The following COL3A1 variants were observed in gnomAD, a reference collection of about 807,000 sequenced individuals.
The protein encoded by COL3A1 is collagen type III alpha 1 chain.
COL3A1 carries 46 observed loss-of-function variants against 200.9 expected under a neutral mutation model. The observed-to-expected ratio is 0.23, with a 90% confidence interval of 0.18 to 0.29. The LOEUF is 0.29. Among genes scored for constraint, COL3A1 ranks in the 10% least tolerant of loss-of-function variants. COL3A1 has a pLI of 1.00. For missense variants in COL3A1, 1,367 were observed against 1,917.6 expected (o/e 0.71, Z 5.36); for synonymous variants, 650 against 628.0 (o/e 1.03, Z -0.52).
intron 32 of COL3A1, among the ~76,000 whole-genome samples, chr2:189,000,253 A>G (rs947023783): frequency 2.6e-5 from 4 of 152,358 alleles, no homozygotes; most frequent in Admixed American, 2.6e-4. Context: ...TAATAGACTT[A>G]ATATTTAAAA....
At position 188,998,579 on chromosome 2, in the gene COL3A1, T is replaced by A; in HGVS notation, c.1978-95T>A. 3.1e-6 allele frequency: 4 copies of A among 1,297,368 alleles called. No individual in the cohort carries two copies. In the East Asian group the frequency reaches 9.9e-5, roughly 32 times the overall value. 80.4% of individuals were successfully genotyped at this position (1,297,368 alleles called of 1,614,324 possible). On this transcript the variant is annotated intron_variant, in intron 28 of 50. Transcript: ENST00000304636. ...CCAACATGACAAATGTGTATTTTGC[T>A]TATATTTACATATTTGCTTATATTT...
chr2:188,996,383 A>AT lies in COL3A1; in HGVS notation c.1663-9dup. 1.2e-6 allele frequency: 2 copies of AT among 1,604,172 alleles called. No individual in the cohort carries two copies. Among genetic ancestry groups the AT allele is most frequent in the African/African-American group, 1.3e-5 (1 of 74,268 alleles). ...TCTTTATCAAACCTTTATTAATGTA[A>AT]TTTTTTCTTATTAGGGAAGTCAAGG... On this transcript the variant is annotated splice_polypyrimidine_tract_variant and intron_variant, in intron 23 of 50. Coordinates refer to ENST00000304636, the MANE Select transcript of COL3A1 (RefSeq NM_000090.4).
In COL3A1 at chr2:188,996,288, ATGTATATC is replaced by A. The variant is rs1323462348; in HGVS notation, c.1663-108_1663-101del. ...TGTGTGTGTATATATATATATGTAT[ATGTATATC>A]TATATATATACACACACACACACAC... On this transcript the variant is annotated intron_variant, in intron 23 of 50. Transcript: ENST00000304636. 965 of 764,204 alleles carry A rather than the reference ATGTATATC, an allele frequency of 1.3e-3. 4 individuals carry two copies. The African/African-American group carries it at 0.026, about 21-fold the overall frequency. The allele number at this position is 764,204 out of a possible 1,614,324, so 47.3% of individuals were successfully genotyped here. A position where few individuals can be genotyped will look rare whatever the true frequency, so the allele number is the denominator to read the frequency against.
rs1443252912 is a variant in COL3A1 at position 189,006,392 on chromosome 2, T to A, written c.3141T>A (p.Gly1047=). ...CTCCTGGTGCCCCTGGCGCTCCTGG[T>A]CATCCAGGCCCACCTGGTCCTGTCG... is the stretch of plus-strand genomic sequence containing the variant. ...NGSPGAPGAP[G]HPGPPGPVGP... Residue 1047 remains glycine (G), a synonymous_variant, in exon 43 of 51, where the codon GGT becomes GGA. Coordinates refer to ENST00000304636, the MANE Select transcript of COL3A1 (RefSeq NM_000090.4). 1.2e-6 allele frequency: 2 copies of A among 1,614,148 alleles called. No homozygotes were observed. The highest frequency in any genetic ancestry group is 3.3e-5 in the Admixed American group (2 of 60,018).
intron 23 of COL3A1, 107 bp downstream of exon 23, chr2:188,996,285 T>C (rs1688311800): frequency 3.8e-6 from 3 of 799,542 alleles, no homozygotes; most frequent in African/African-American, 3.3e-5. Context: ...TATATATATG[T>C]ATATGTATAT....
intron 11 of COL3A1, 108 bp from the exon 12 acceptor site, chr2:188,991,379 A>T (rs570188229): frequency 9.8e-6 from 7 of 712,676 alleles, no homozygotes; most frequent in Non-Finnish European, 1.6e-5. Context: ...GTTAAAATGT[A>T]TATCTTTTTC....
At chr2:189,000,427 T>C (rs955877903) in intron 32 of COL3A1, among the ~76,000 whole-genome samples, 9 of 152,160 alleles carry the variant, frequency 5.9e-5, no homozygotes, top group African/African-American at 2.2e-4. Flanking sequence ...AACTTCCTTG[T>C]AGAGATGTAG....
chr2:188,984,764 T>C lies in COL3A1; in HGVS notation c.84T>C (p.Val28=), dbSNP rs752574994. 33 of 1,612,814 alleles carry C rather than the reference T, an allele frequency of 2.0e-5. No homozygotes were observed. In the East Asian group the frequency reaches 7.4e-4, roughly 36 times the overall value. The change falls in exon 2 of 51, where the codon GTT becomes GTC. Residue 28 remains valine, a synonymous_variant. Transcript: ENST00000304636. ...GTCATCTAACTTGTTTTTCAGCTGT[T>C]GAAGGAGGATGTTCCCATCTTGGTC... The part of the protein sequence containing the change: ...PTIILAQQEA[V]EGGCSHLGQS...
At chr2:188,988,240 C>G in intron 6 of COL3A1, 106 bp downstream of exon 6, 2 of 990,870 alleles carry the variant, frequency 2.0e-6, no homozygotes, top group Non-Finnish European at 1.6e-6. Context: ...TCCCAGTTAA[C>G]TAGAGAAATC....
At chr2:188,978,082 A>C (rs1338586911) in intron 1 of COL3A1, 1 of 415,018 alleles carries the variant, frequency 2.4e-6, no homozygotes, top group African/African-American at 2.2e-5. Context: ...TTGGATTTTC[A>C]AAACTACCTA....
intron 1 of COL3A1, among the ~76,000 whole-genome samples, chr2:188,982,360 T>C (rs1687971397): frequency 6.6e-6 from 1 of 151,786 alleles, no homozygotes; most frequent in Non-Finnish European, 1.5e-5. Flanking sequence ...ATTTAATAAT[T>C]AGCAGAACAA....
Position 188,994,529 on chromosome 2 carries a change from G to C in COL3A1, c.1294-12G>C. The C allele has an allele frequency of 1.9e-6, 3 of 1,614,072 alleles. No individual in the cohort carries two copies. Among genetic ancestry groups the C allele is most frequent in the Non-Finnish European group, 2.5e-6 (3 of 1,179,990 alleles). ...CTCCCTGTGTTTCAACCAAGACTTT[G>C]TTATACTTTAGGGTGAGCCTGGTAA... On this transcript the variant is annotated splice_polypyrimidine_tract_variant and intron_variant, in intron 18 of 50. Transcript: ENST00000304636. This position sits in a 1 kb window ranked among gnomAD's most constrained non-coding sequence, Gnocchi z 4.5.
chr2:188,989,897 A>G (rs529810228), intron 8 of COL3A1, among the ~76,000 whole-genome samples, 199 bp from the exon 9 acceptor site: 1 of 152,124 alleles, frequency 6.6e-6, no homozygotes, highest in African/African-American at 2.4e-5. Flanking sequence ...CACCTGCATT[A>G]TCTCTTTATA....
intron 45 of COL3A1, 62 bp downstream of exon 45, chr2:189,007,669 A>C: frequency 7.0e-7 from 1 of 1,436,958 alleles, no homozygotes; most frequent in South Asian, 1.2e-5. Flanking sequence ...AGATTAAGAG[A>C]AGAAAGCTTT....
At chr2:188,988,013 C>A in intron 5 of COL3A1, 68 bp from the exon 6 acceptor site, 2 of 1,224,846 alleles carry the variant, frequency 1.6e-6, no homozygotes, top group South Asian at 1.2e-5. Flanking sequence ...AGTGTCATTG[C>A]TTTGAAGCAT....
chr2:188,991,136 C>A (rs1688180354), intron 11 of COL3A1, 79 bp downstream of exon 11: 2 of 1,450,024 alleles, frequency 1.4e-6, no homozygotes, highest in Non-Finnish European at 9.6e-7. Flanking sequence ...ATATTGTGAG[C>A]CTTAACTTGT....
chr2:188,989,391 T>G lies in COL3A1; in HGVS notation c.637-5T>G. ...TCTATTCATTTTTTATTTCCTTATT[T>G]TCAGGGCCCTCCAGGACCTCCTGGT... is the stretch of plus-strand genomic sequence containing the variant. On this transcript the variant is annotated splice_polypyrimidine_tract_variant and splice_region_variant and intron_variant, in intron 7 of 50. Coordinates refer to ENST00000304636, the MANE Select transcript of COL3A1 (RefSeq NM_000090.4). The G allele has an allele frequency of 6.3e-7, 1 of 1,594,012 alleles. No homozygotes were observed. The highest frequency in any genetic ancestry group is 1.1e-5 in the South Asian group (1 of 88,868).
chr2:189,008,814 A>T, intron 47 of COL3A1, 110 bp from the exon 48 acceptor site: 1 of 1,210,920 alleles, frequency 8.3e-7, no homozygotes, highest in Non-Finnish European at 1.2e-6. Flanking sequence ...AATAATTCTG[A>T]TGACACAATG....
chr2:188,997,059 C>CAT (rs1050096418), intron 24 of COL3A1, 106 bp from the exon 25 acceptor site: 1 of 737,750 alleles, frequency 1.4e-6, no homozygotes. Flanking sequence ...ATATATGAGA[C>CAT]ATATATATAT....
Sources: gnomAD v4.1 joint callset for allele counts (sites outside exome capture counted in the v4.1 genomes callset) on GRCh38, gnomAD v4.1.1 for gene constraint, Gnocchi (gnomAD v3.1) non-coding constraint, MANE v1.5 for transcripts, NCBI Gene and HGNC (gene_info 2026-07-23, HGNC 2026-07-21) for gene names.